CTCF: variants seen among roughly 807,000 people sequenced by gnomAD.
CTCF encodes CCCTC-binding factor.
A neutral mutation model predicts 72.3 loss-of-function variants in CTCF; 7 were observed. The observed-to-expected ratio is 0.10, with a 90% CI of 0.06 to 0.18. The LOEUF (loss-of-function observed/expected upper bound fraction) is 0.18. CTCF is among the 10% of genes least tolerant of loss of function. The pLI is 1.00. For synonymous variants in CTCF, 374 were observed against 315.8 expected, an observed-to-expected ratio of 1.18 and a Z score of -1.95; for missense variants, 516 against 949.1, an observed-to-expected ratio of 0.54 and a Z score of 6.00.
At chr16:67,628,347 C>A in intron 8 of CTCF, 23 bp from the exon 9 acceptor site, 4 of 1,606,870 alleles carry the variant, frequency 2.5e-6, no homozygotes, top group Non-Finnish European at 1.7e-6. Flanking sequence ...GGCTCTGAGG[C>A]CTTTCCCCCT....
chr16:67,565,176 A>G (rs959589089), intron 1 of CTCF, among the ~76,000 whole-genome samples: 9 of 151,556 alleles, frequency 5.9e-5, no homozygotes, highest in African/African-American at 1.7e-4. Context: ...TAATTTTTGT[A>G]TTTTTAGTAG....
At chr16:67,635,284 T>TA in intron 10 of CTCF, among the ~76,000 whole-genome samples, 1 of 152,022 alleles carries the variant, frequency 6.6e-6, no homozygotes, top group East Asian at 1.9e-4. Flanking sequence ...CCTCCCAAAG[T>TA]GCTGGGATTA....
intron 7 of CTCF, among the ~76,000 whole-genome samples, chr16:67,624,123 G>A (rs28573216): frequency 8.0e-6 from 1 of 125,390 alleles, no homozygotes; most frequent in African/African-American, 3.4e-5. Context: ...GTGTATGTGT[G>A]TGTATATATA....
chr16:67,583,283 A>G (rs28711261), intron 2 of CTCF, among the ~76,000 whole-genome samples: 27,325 of 151,882 alleles, frequency 0.18, 3,244 homozygotes, highest in African/African-American at 0.33. Flanking sequence ...CATGGCGCCC[A>G]GCCTACTTCT....
At chr16:67,619,630 G>T (rs1285181219) in intron 5 of CTCF, among the ~76,000 whole-genome samples, 1 of 152,166 alleles carries the variant, frequency 6.6e-6, no homozygotes, top group Non-Finnish European at 1.5e-5. Context: ...GCCCAGGCTG[G>T]ACTGCAGTGG....
At chr16:67,624,395 CTCT>C (rs2052253548) in intron 7 of CTCF, among the ~76,000 whole-genome samples, 1 of 151,934 alleles carries the variant, frequency 6.6e-6, no homozygotes. Flanking sequence ...CTCCTTTCCA[CTCT>C]TCTTCCTAAG....
rs749826586 is a variant in CTCF, at chr16:67,636,794, G to A, written c.1942G>A (p.Ala648Thr). The change falls in exon 11 of 12, where the codon GCC (alanine) becomes ACC (threonine). Residue 648 changes from alanine to threonine, a missense_variant. Ala to Thr is a moderately conservative substitution (Grantham distance 58, BLOSUM62 0). Transcript: ENST00000264010. Reference protein sequence around the residue: ...PQPVTPAPPPAKKRRGRPPGR... With the variant: ...PQPVTPAPPPTKKRRGRPPGR... ...GCCTGTGACCCCAGCCCCACCACCC[G>A]CCAAGAAGCGGAGAGGACGACCCCC... 12 of 1,601,306 alleles carry A rather than the reference G, an allele frequency of 7.5e-6. No homozygotes were observed. The highest frequency in any genetic ancestry group is 3.4e-5 in the Admixed American group (2 of 58,434).
intron 2 of CTCF, among the ~76,000 whole-genome samples, chr16:67,598,416 C>T (rs1167776536): frequency 6.6e-6 from 1 of 151,814 alleles, no homozygotes; most frequent in Non-Finnish European, 1.5e-5. Context: ...AGTTTATAGC[C>T]CATCTTGTTC....
rs2052199269 is a variant in CTCF, at chr16:67,621,581, A to G, written c.1347A>G (p.Lys449=). 6.2e-7 allele frequency: 1 copy of G among 1,605,042 alleles called. No homozygotes were observed. Reference sequence around the variant, plus strand: ...ACTGTGACACAGTCATAGCCCGAAAAAGTGATTTGGGTAAGTAGATTAACT... The same window carrying G: ...ACTGTGACACAGTCATAGCCCGAAAGAGTGATTTGGGTAAGTAGATTAACT... ...CPHCDTVIAR[K]SDLGVHLRKQ... is the part of the protein sequence containing the mutation. The change falls in exon 7 of 12, where the codon AAA becomes AAG. Residue 449 remains lysine (K), a synonymous_variant. Coordinates refer to ENST00000264010, the MANE Select transcript of CTCF (RefSeq NM_006565.4).
At chr16:67,601,217 GGTGTGTGTGTGTGTGTGTGTGTGT>G (rs59655549) in intron 2 of CTCF, among the ~76,000 whole-genome samples, 4 of 128,306 alleles carry the variant, frequency 3.1e-5, no homozygotes, top group Admixed American at 1.6e-4. Flanking sequence ...TGCACTAAGG[GGTGTGTGTGTGTGTGTGTGTGTGT>G]GTGTGTGTGT....
At position 67,616,802 on chromosome 16, in the gene CTCF, T is replaced by G. The variant is rs746853576; in HGVS notation, c.1010T>G (p.Leu337Trp). ...CDMAFVTSGELVRHRRYKHTH... is the reference protein window; with the variant it reads ...CDMAFVTSGEWVRHRRYKHTH... ...ATGGCCTTTGTGACCAGTGGAGAAT[T>G]GGTTCGGCATCGTCGTTACAAACAC... The change falls in exon 5 of 12, where the codon TTG (leucine) becomes TGG (tryptophan). Residue 337 changes from leucine to tryptophan, a missense_variant. Physicochemically the swap from Leu to Trp is moderately conservative, Grantham distance 61. This residue lies in a region of CTCF where 70 missense variants were observed against 290.1 expected (regional missense o/e 0.24). Coordinates refer to ENST00000264010, the MANE Select transcript of CTCF (RefSeq NM_006565.4). The G allele has an allele frequency of 6.2e-7, 1 of 1,614,182 alleles. No individual in the cohort carries two copies. Among genetic ancestry groups the G allele is most frequent in the South Asian group, 1.1e-5 (1 of 91,088 alleles).
chr16:67,595,169 A>G (rs2142774086), intron 2 of CTCF, among the ~76,000 whole-genome samples: 1 of 152,302 alleles, frequency 6.6e-6, no homozygotes. Context: ...TCTGGATAGA[A>G]CAAGACTGGC....
chr16:67,629,633 AC>A, intron 10 of CTCF, 100 bp downstream of exon 10: 1 of 1,194,988 alleles, frequency 8.4e-7, no homozygotes, highest in Non-Finnish European at 1.2e-6. Flanking sequence ...AGGCGGGCAC[AC>A]ACTCTTCCTT....
intron 1 of CTCF, among the ~76,000 whole-genome samples, chr16:67,567,214 C>T (rs1299520344): frequency 1.3e-5 from 2 of 152,124 alleles, no homozygotes; most frequent in African/African-American, 4.8e-5. Context: ...TGTGCATTTT[C>T]TCAGTGATTT....
intron 2 of CTCF, among the ~76,000 whole-genome samples, chr16:67,599,556 T>G (rs1346834279): frequency 6.6e-6 from 1 of 152,164 alleles, no homozygotes; most frequent in South Asian, 2.1e-4. Flanking sequence ...TTCCTTCCTT[T>G]TAGCCCCTCA....
chr16:67,606,976 A>G (rs1198659454), intron 2 of CTCF, among the ~76,000 whole-genome samples: 1 of 151,896 alleles, frequency 6.6e-6, no homozygotes, highest in African/African-American at 2.4e-5. Flanking sequence ...TTTTTGAGAC[A>G]GAGGCTCGCT....
intron 5 of CTCF, among the ~76,000 whole-genome samples, chr16:67,619,390 C>T (rs1218583505): frequency 1.3e-5 from 2 of 151,988 alleles, no homozygotes; most frequent in African/African-American, 2.4e-5. Flanking sequence ...GACCCACAAT[C>T]GTGACAGTGT....
At chr16:67,628,331 T>C in intron 8 of CTCF, 39 bp from the exon 9 acceptor site, 1 of 1,590,924 alleles carries the variant, frequency 6.3e-7, no homozygotes, top group Non-Finnish European at 8.6e-7. Flanking sequence ...AGTAGCCCCA[T>C]GAGCAGGCTC....
rs201956341 is a variant in CTCF at position 67,565,673 on chromosome 16, C to CAAAA, written c.-127+2967_-127+2970dup. Among the ~76,000 whole-genome samples, 98 of 62,108 alleles carry CAAAA rather than the reference C, an allele frequency of 1.6e-3. 2 individuals are homozygous for CAAAA. Among genetic ancestry groups the CAAAA allele is most frequent in the African/African-American group, 4.0e-3 (76 of 18,922 alleles). 40.7% of individuals were successfully genotyped at this position (62,108 alleles called of 152,430 possible). The stretch of plus-strand genomic sequence containing the variant: ...GGGCAACAGAGCAAGACTCTTATCT[C>CAAAA]AAAAAAAAAAAAAAAAAAAAAGAGT... On this transcript the variant is annotated intron_variant, in intron 1 of 11. Coordinates refer to ENST00000264010, the MANE Select transcript of CTCF (RefSeq NM_006565.4).
Sources: allele counts gnomAD v4.1 joint callset (sites outside exome capture counted in the v4.1 genomes callset), GRCh38; gene constraint gnomAD v4.1.1; regional missense constraint gnomAD v4.1.1; transcripts MANE v1.5; gene names NCBI Gene and HGNC (gene_info 2026-07-23, HGNC 2026-07-21).